ATP6V1C1: variants seen among roughly 807,000 people sequenced by gnomAD.
ATP6V1C1 encodes V-type proton ATPase subunit C 1.
Under a neutral mutation model 53.9 loss-of-function variants are expected in ATP6V1C1, and 45 were observed. The ratio of observed to expected loss-of-function variants is 0.83; its 90% CI spans 0.66 to 1.07. ATP6V1C1 has a LOEUF of 1.07. Among genes scored for constraint, ATP6V1C1 ranks in the 50% least tolerant of loss-of-function variants. ATP6V1C1 has a pLI of 0.00. For missense variants in ATP6V1C1, 315 were observed against 440.3 expected, an observed-to-expected ratio of 0.72 and a Z score of 2.55; for synonymous variants, 153 against 155.2, an observed-to-expected ratio of 0.99 and a Z score of 0.11.
At chr8:103,042,213 A>G in intron 2 of ATP6V1C1, 127 bp from the exon 3 acceptor site, 1 of 868,806 alleles carries the variant, frequency 1.2e-6, no homozygotes. Context: ...TTTTAACTGT[A>G]CTTACACATT....
intron 8 of ATP6V1C1, among the ~76,000 whole-genome samples, chr8:103,059,877 C>G (rs2458275): frequency 1.3e-5 from 1 of 75,380 alleles, no homozygotes; most frequent in African/African-American, 5.3e-5. Flanking sequence ...GCCCCCAGCA[C>G]GCACACACAC....
intron 6 of ATP6V1C1, 37 bp downstream of exon 6, chr8:103,052,859 G>T: frequency 7.4e-7 from 1 of 1,358,220 alleles, no homozygotes; most frequent in South Asian, 1.3e-5. Flanking sequence ...CTAAGAACTG[G>T]GGAAGCATAC....
chr8:103,054,401 T>C (rs187336807), intron 7 of ATP6V1C1, among the ~76,000 whole-genome samples: 3 of 152,254 alleles, frequency 2.0e-5, no homozygotes, highest in African/African-American at 7.2e-5. Flanking sequence ...TAGCAATTTT[T>C]TTCTATAAAG....
chr8:103,034,569 A>ATTT (rs3837181), intron 1 of ATP6V1C1, among the ~76,000 whole-genome samples: 1 of 139,430 alleles, frequency 7.2e-6, no homozygotes, highest in Non-Finnish European at 1.6e-5. Flanking sequence ...TTCAAGGATA[A>ATTT]TTTTTTTTTT....
In ATP6V1C1 at chr8:103,062,937, CTTTT is replaced by C; in HGVS notation, c.642-10_642-7del. On this transcript the variant is annotated splice_polypyrimidine_tract_variant and intron_variant, in intron 8 of 12. Transcript: ENST00000518738. ...CAATACGTATAAATCTTTAAATGGACTTTTTTTTTTTCCATAGTGTTCTTTCAGA... is the reference window on the plus strand; with the variant it reads ...CAATACGTATAAATCTTTAAATGGACTTTTTTTCCATAGTGTTCTTTCAGA... 8.2e-7 allele frequency: 1 copy of C among 1,217,672 alleles called. No homozygotes were observed. Among genetic ancestry groups the C allele is most frequent in the East Asian group, 2.9e-5 (1 of 34,178 alleles). 75.4% of individuals were successfully genotyped at this position (1,217,672 alleles called of 1,614,324 possible).
At chr8:103,056,994 G>A (rs1198562476) in intron 8 of ATP6V1C1, among the ~76,000 whole-genome samples, 2 of 151,604 alleles carry the variant, frequency 1.3e-5, no homozygotes. Context: ...GTCACTGGTA[G>A]GGTTGTGACT....
chr8:103,035,557 C>T (rs764180713), intron 1 of ATP6V1C1, among the ~76,000 whole-genome samples: 1 of 152,098 alleles, frequency 6.6e-6, no homozygotes, highest in Non-Finnish European at 1.5e-5. Context: ...GGATATTTCT[C>T]ATCTGGGATA....
intron 1 of ATP6V1C1, among the ~76,000 whole-genome samples, chr8:103,035,269 A>ATT (rs35108896): frequency 1.3e-5 from 2 of 151,852 alleles, no homozygotes; most frequent in Admixed American, 6.6e-5. Context: ...AAAAAACATG[A>ATT]TTTTTTTTGC....
chr8:103,064,695 AT>A lies in ATP6V1C1; in HGVS notation c.829-11del, dbSNP rs151079473. The A allele has an allele frequency of 0.099, 158,241 of 1,594,110 alleles. 8,676 individuals carry two copies. The highest frequency in any genetic ancestry group is 0.11 in the Non-Finnish European group (124,242 of 1,172,120). ...TATTTCTAAGACCAAATTTGTGGTA[AT>A]TTTTTTTCTTTTTATAGGGACCACT... On this transcript the variant is annotated intron_variant, in intron 10 of 12. Coordinates refer to ENST00000518738, the MANE Select transcript of ATP6V1C1 (RefSeq NM_001695.5).
intron 1 of ATP6V1C1, among the ~76,000 whole-genome samples, chr8:103,034,427 G>T (rs944457328): frequency 6.7e-6 from 1 of 149,510 alleles, no homozygotes; most frequent in African/African-American, 2.4e-5. Flanking sequence ...TTGACAATTT[G>T]TTTCCTTGCA....
rs1387253984 is a variant in ATP6V1C1, at chr8:103,063,060, T to G, written c.734+13T>G. ...CCAGAGAAAACAAGTAAGATTATTGTTTTTTTGTTTATTTACTTTGTTAGA... is the reference window on the plus strand; with the variant it reads ...CCAGAGAAAACAAGTAAGATTATTGGTTTTTTGTTTATTTACTTTGTTAGA... On this transcript the variant is annotated intron_variant, in intron 9 of 12. Transcript: ENST00000518738. The G allele has an allele frequency of 9.3e-6, 15 of 1,613,412 alleles. No individual in the cohort carries two copies. Among genetic ancestry groups the G allele is most frequent in the Non-Finnish European group, 1.3e-5 (15 of 1,179,500 alleles).
At chr8:103,023,307 G>T (rs1374345613) in intron 1 of ATP6V1C1, among the ~76,000 whole-genome samples, 5 of 149,886 alleles carry the variant, frequency 3.3e-5, no homozygotes, top group South Asian at 2.1e-4. Context: ...TGGTGGGGGG[G>T]AGATAATGTG....
intron 1 of ATP6V1C1, among the ~76,000 whole-genome samples, chr8:103,024,118 T>C (rs959899709): frequency 4.0e-5 from 6 of 149,548 alleles, no homozygotes; most frequent in Non-Finnish European, 9.1e-5. Context: ...AAAAAGTGAG[T>C]CTCAAATTAT....
intron 8 of ATP6V1C1, among the ~76,000 whole-genome samples, chr8:103,058,958 G>C (rs1817339767): frequency 6.7e-6 from 1 of 150,024 alleles, no homozygotes; most frequent in Admixed American, 6.6e-5. Flanking sequence ...CTTTTCACTT[G>C]TCCTTTCAGA....
In ATP6V1C1 at chr8:103,071,992, T is replaced by C. The variant is rs754698602; in HGVS notation, c.*3245T>C. 1.3e-5 allele frequency: 2 copies of C among 152,254 alleles called. No individual in the cohort carries two copies. The highest frequency in any genetic ancestry group is 2.9e-5 in the Non-Finnish European group (2 of 68,048). 9.4% of individuals were successfully genotyped at this position (152,254 alleles called of 1,614,324 possible). A position where few individuals can be genotyped will look rare whatever the true frequency, so the allele number is the denominator to read the frequency against. On this transcript the variant is annotated 3_prime_UTR_variant, in exon 13 of 13. Coordinates refer to ENST00000518738, the MANE Select transcript of ATP6V1C1 (RefSeq NM_001695.5). ...ATGATGGGTTAGATAATGTGTCTAG[T>C]TGTTTGCATGCCAATTTCAGTAGCC...
chr8:103,026,900 C>T (rs553104227), intron 1 of ATP6V1C1, among the ~76,000 whole-genome samples: 15 of 152,194 alleles, frequency 9.9e-5, no homozygotes, highest in Non-Finnish European at 1.9e-4. Flanking sequence ...GGTAAAATCC[C>T]CCTTCTAGTT....
chr8:103,035,197 T>G (rs1816871771), intron 1 of ATP6V1C1, among the ~76,000 whole-genome samples: 1 of 152,176 alleles, frequency 6.6e-6, no homozygotes, highest in Admixed American at 6.5e-5. Context: ...AACCTGCAAC[T>G]CTACCAATTT....
chr8:103,059,274 G>T (rs1817349859), intron 8 of ATP6V1C1, among the ~76,000 whole-genome samples: 1 of 152,090 alleles, frequency 6.6e-6, no homozygotes, highest in African/African-American at 2.4e-5. Context: ...CATGGCTCTA[G>T]CCTCACCTGC....
intron 1 of ATP6V1C1, among the ~76,000 whole-genome samples, chr8:103,033,101 A>G (rs1434808923): frequency 6.6e-6 from 1 of 152,228 alleles, no homozygotes; most frequent in African/African-American, 2.4e-5. Context: ...GCATGCTTCC[A>G]TTTACAAGGA....
Sources: allele counts gnomAD v4.1 joint callset (sites outside exome capture counted in the v4.1 genomes callset), GRCh38; gene constraint gnomAD v4.1.1; transcripts MANE v1.5; gene names NCBI Gene and HGNC (gene_info 2026-07-23, HGNC 2026-07-21).